IQCK: variants seen among roughly 807,000 people sequenced by gnomAD.
IQCK encodes the protein IQ motif containing K.
Under a neutral mutation model 28.1 loss-of-function variants are expected in IQCK, and 29 were observed. The ratio of observed to expected loss-of-function variants is 1.03; its 90% confidence interval spans 0.77 to 1.41. The LOEUF is 1.41. IQCK is among the 40% of genes most tolerant of loss of function. The pLI, the probability that IQCK is intolerant of heterozygous loss-of-function variation, is 0.00. For synonymous variants in IQCK, 113 were observed against 115.1 expected, an observed-to-expected ratio of 0.98 and a Z score of 0.12; for missense variants, 359 against 314.7, an observed-to-expected ratio of 1.14 and a Z score of -1.07.
Position 19,764,856 on chromosome 16 carries a change from A to ATT in IQCK, c.605+759_605+760dup, listed in dbSNP as rs750870961. Among the ~76,000 whole-genome samples, 21 of 133,628 alleles carry ATT rather than the reference A, an allele frequency of 1.6e-4. No homozygotes were observed. In the South Asian group the frequency reaches 4.1e-3, roughly 26 times the overall value. The allele number at this position is 133,628 out of a possible 152,430, so 87.7% of individuals were successfully genotyped here. ...AGGTGCCTGCCACCACACCTGGCTA[A>ATT]TTTTTTTTTTTTTTTTGTATTTTTA... On this transcript the variant is annotated intron_variant, in intron 6 of 7. Transcript: ENST00000564186.
At chr16:19,759,555 T>C (rs191401676) in intron 4 of IQCK, among the ~76,000 whole-genome samples, 54 of 152,114 alleles carry the variant, frequency 3.5e-4, no homozygotes, top group Non-Finnish European at 6.3e-4. Context: ...AAAAAAGACA[T>C]GTATATGTGG....
chr16:19,775,812 G>C (rs1191741347), intron 6 of IQCK, among the ~76,000 whole-genome samples: 2 of 142,064 alleles, frequency 1.4e-5, no homozygotes, highest in East Asian at 2.3e-4. Context: ...GCAGGGATAC[G>C]TAAAGGAACA....
intron 1 of IQCK, among the ~76,000 whole-genome samples, chr16:19,728,682 C>G (rs1458629809): frequency 6.6e-6 from 1 of 152,220 alleles, no homozygotes; most frequent in African/African-American, 2.4e-5. Context: ...CTGATCCATT[C>G]TTGGACTCCT....
intron 4 of IQCK, among the ~76,000 whole-genome samples, chr16:19,748,849 C>T (rs58205979): frequency 0.053 from 7,988 of 152,002 alleles, 668 homozygotes; most frequent in African/African-American, 0.18. Flanking sequence ...TATAAAGACA[C>T]CTCCTAGAAT....
intron 4 of IQCK, among the ~76,000 whole-genome samples, chr16:19,755,523 A>G (rs995480814): frequency 1.3e-5 from 2 of 152,222 alleles, no homozygotes; most frequent in African/African-American, 4.8e-5. Flanking sequence ...CAGAGAATCA[A>G]TTAGGAGAGA....
intron 1 of IQCK, among the ~76,000 whole-genome samples, chr16:19,722,264 T>C (rs59193330): frequency 0.34 from 51,341 of 151,990 alleles, 13,488 homozygotes; most frequent in African/African-American, 0.74. Flanking sequence ...GGAGGGAGTC[T>C]GCTAACATCC....
intron 4 of IQCK, among the ~76,000 whole-genome samples, chr16:19,749,104 A>G (rs957651659): frequency 1.3e-5 from 2 of 152,240 alleles, no homozygotes; most frequent in African/African-American, 2.4e-5. Context: ...AAGCCAGGTC[A>G]TAAACTAGTC....
intron 9 of IQCK, among the ~76,000 whole-genome samples, chr16:19,832,849 G>A (rs2056249784): frequency 6.6e-6 from 1 of 151,920 alleles, no homozygotes; most frequent in Non-Finnish European, 1.5e-5. Flanking sequence ...AGTGAGGGGG[G>A]AACTGTCAAA....
Position 19,814,088 on chromosome 16 carries a change from C to T in IQCK, c.691-12938C>T, listed in dbSNP as rs902901955. Among the ~76,000 whole-genome samples the T allele has an allele frequency of 5.9e-5, 9 of 151,796 alleles. No homozygotes were observed. In the East Asian group the frequency reaches 7.7e-4, roughly 13 times the overall value. On this transcript the variant is annotated intron_variant, in intron 7 of 7. Coordinates refer to ENST00000564186, the Ensembl canonical transcript of IQCK. ...CAAAAAAATTAGTTGGGTGTGGTGG[C>T]GGGTAACTGTAATCCCGGCTACTCA...
rs112943056 is a variant in IQCK at position 19,850,940 on chromosome 16, T to C, written c.803-5547T>C. Among the ~76,000 whole-genome samples the C allele has an allele frequency of 8.1e-3, 1,233 of 152,228 alleles. 18 individuals carry two copies. The highest frequency in any genetic ancestry group is 0.028 in the African/African-American group (1,150 of 41,544). ...TAGGAGGCTGAAGTGGAAGGACCATTTGAGCCCAGGAGGTTGAGACTGCAG... is the reference window on the plus strand; with the variant it reads ...TAGGAGGCTGAAGTGGAAGGACCATCTGAGCCCAGGAGGTTGAGACTGCAG... On this transcript the variant is annotated intron_variant, in intron 9 of 9. Transcript: ENST00000320394.
chr16:19,853,093 C>T (rs932003308), intron 9 of IQCK, among the ~76,000 whole-genome samples: 1 of 152,146 alleles, frequency 6.6e-6, no homozygotes, highest in Non-Finnish European at 1.5e-5. Flanking sequence ...TCCCAGTACA[C>T]GTATGGAAGG....
At chr16:19,733,769 C>G in exon 3 of IQCK, 5 of 1,614,152 alleles carry the variant, frequency 3.1e-6, no homozygotes, top group Non-Finnish European at 4.2e-6. Context: ...CCCATTTCAC[C>G]ATGATCTCAC....
intron 6 of IQCK, among the ~76,000 whole-genome samples, chr16:19,779,367 A>G (rs771494511): frequency 5.9e-5 from 9 of 152,216 alleles, no homozygotes; most frequent in Non-Finnish European, 1.2e-4. Flanking sequence ...TCAAGAATGC[A>G]ACAGAGATTT....
At chr16:19,841,848 T>G in intron 9 of IQCK, among the ~76,000 whole-genome samples, 1 of 65,670 alleles carries the variant, frequency 1.5e-5, no homozygotes, top group South Asian at 8.7e-4. Flanking sequence ...GTAAGCCATC[T>G]TTTTTTTTTT....
At chr16:19,780,355 G>GT (rs1430808088) in intron 6 of IQCK, among the ~76,000 whole-genome samples, 2 of 151,884 alleles carry the variant, frequency 1.3e-5, no homozygotes, top group Non-Finnish European at 2.9e-5. Flanking sequence ...AATTTATTAT[G>GT]TTTTTTATAG....
At chr16:19,826,512 G>A (rs1282119442) in intron 7 of IQCK, among the ~76,000 whole-genome samples, 1 of 152,056 alleles carries the variant, frequency 6.6e-6, no homozygotes, top group Non-Finnish European at 1.5e-5. Context: ...TAAGTAGCTG[G>A]GATTACAGGC....
chr16:19,751,957 T>A (rs1249016685), intron 4 of IQCK, among the ~76,000 whole-genome samples: 3 of 152,148 alleles, frequency 2.0e-5, no homozygotes, highest in Non-Finnish European at 2.9e-5. Context: ...GGGGAAAAGG[T>A]TGTAAGGCAG....
exon 1 of IQCK, chr16:19,718,478 A>T (rs1382527675): frequency 1.9e-6 from 3 of 1,605,526 alleles, no homozygotes; most frequent in Middle Eastern, 1.7e-4. Flanking sequence ...GTGGGAGCAG[A>T]TCTGCAAGGG....
intron 1 of IQCK, among the ~76,000 whole-genome samples, chr16:19,723,569 C>T (rs1977563654): frequency 6.6e-6 from 1 of 152,144 alleles, no homozygotes; most frequent in Non-Finnish European, 1.5e-5. Context: ...TGTTTTGACT[C>T]TCAAGTTCAA....
Sources: allele counts gnomAD v4.1 joint callset (sites outside exome capture counted in the v4.1 genomes callset), GRCh38; gene constraint gnomAD v4.1.1; transcripts MANE v1.5; gene names NCBI Gene and HGNC (gene_info 2026-07-23, HGNC 2026-07-21).